Variants in UBALD2 observed in about 807,000 individuals in gnomAD.
UBALD2 encodes the protein UBA-like domain-containing protein 2.
Under a neutral mutation model 15.9 loss-of-function variants are expected in UBALD2, and 8 were observed. The ratio of observed to expected loss-of-function variants is 0.50; its 90% CI spans 0.29 to 0.91. The LOEUF (loss-of-function observed/expected upper bound fraction) is 0.91, where lower values mean the gene tolerates loss of function less well. Among genes scored for constraint, UBALD2 ranks in the 40% least tolerant of loss-of-function variants. The pLI, the probability that UBALD2 is intolerant of heterozygous loss-of-function variation, is 0.07. For synonymous variants in UBALD2, 113 were observed against 97.7 expected (o/e 1.16, Z -0.93); for missense variants, 178 against 234.8 (o/e 0.76, Z 1.58).
rs2070539998 is a variant in UBALD2, at chr17:76,265,755, G to A, written c.120+130G>A. On this transcript the variant is annotated intron_variant, in intron 1 of 2. Transcript: ENST00000327490. ...CCGCGAGCGGGTCTTACGCGGGACC[G>A]GGGCCGGGACCGGCTCCCCTCTGCA... 7 of 1,334,754 alleles carry A rather than the reference G, an allele frequency of 5.2e-6. 1 individual carries two copies. The South Asian group carries it at 8.2e-5, about 16-fold the overall frequency. 82.7% of individuals were successfully genotyped at this position (1,334,754 alleles called of 1,614,324 possible).
Position 76,270,549 on chromosome 17 carries a change from A to C in UBALD2, c.*44A>C. ...GCTGGGCTGGAGCTGGGGGCAGCCC[A>C]GGGTTGTGGGGACACAGGAGGGCCA... On this transcript the variant is annotated 3_prime_UTR_variant, in exon 3 of 3. Transcript: ENST00000327490. 7.1e-7 allele frequency: 1 copy of C among 1,398,736 alleles called. No individual in the cohort carries two copies. Among genetic ancestry groups the C allele is most frequent in the South Asian group, 1.5e-5 (1 of 64,698 alleles). The allele number at this position is 1,398,736 out of a possible 1,614,324, so 86.6% of individuals were successfully genotyped here.
chr17:76,266,764 C>A (rs1197076726), intron 2 of UBALD2, among the ~76,000 whole-genome samples: 1 of 152,106 alleles, frequency 6.6e-6, no homozygotes, highest in Non-Finnish European at 1.5e-5. Flanking sequence ...CTCTCCTGTA[C>A]CCTACCCCCC....
chr17:76,270,652 C>A lies in UBALD2; in HGVS notation c.*147C>A. 3.8e-6 allele frequency: 3 copies of A among 784,428 alleles called. No individual in the cohort carries two copies. Among genetic ancestry groups the A allele is most frequent in the Non-Finnish European group, 5.5e-6 (3 of 540,990 alleles). 48.6% of individuals were successfully genotyped at this position (784,428 alleles called of 1,614,324 possible). A position where few individuals can be genotyped will look rare whatever the true frequency, so the allele number is the denominator to read the frequency against. On this transcript the variant is annotated 3_prime_UTR_variant, in exon 3 of 3. Transcript: ENST00000327490. The stretch of plus-strand genomic sequence containing the variant: ...ATTTTATAAAAGAATTTTTGTGGGT[C>A]GGGGGGACAGTAAACTTCCTGGGCC...
rs1329065925 is a variant in UBALD2, at chr17:76,269,732, A to G, written c.184-462A>G. 6.6e-6 allele frequency among the ~76,000 whole-genome samples: 1 copy of G among 152,172 alleles called. No individual in the cohort carries two copies. The highest frequency in any genetic ancestry group is 2.4e-5 in the African/African-American group (1 of 41,442). Reference sequence around the variant, plus strand: ...TGAACCCATCCACCAAGGTGGCTTAACTTTTCCAGGGTTGGCACAGGAGGG... The same window carrying G: ...TGAACCCATCCACCAAGGTGGCTTAGCTTTTCCAGGGTTGGCACAGGAGGG... On this transcript the variant is annotated intron_variant, in intron 2 of 2. Coordinates refer to ENST00000327490, the MANE Select transcript of UBALD2 (RefSeq NM_182565.4). This position sits in a 1 kb window ranked among gnomAD's most constrained non-coding sequence, Gnocchi z 4.6.
At position 76,265,401 on chromosome 17, in the gene UBALD2, G is replaced by C. The variant is rs913962506; in HGVS notation, c.-105G>C. On this transcript the variant is annotated 5_prime_UTR_variant, in exon 1 of 3. Transcript: ENST00000327490. ...AGCGGGCGGCGGAGCGGCGGCAGCA[G>C]CGGTGAGCGCGAGCCCCGGAGCCCC... 52 of 963,448 alleles carry C rather than the reference G, an allele frequency of 5.4e-5. No individual in the cohort carries two copies. Among genetic ancestry groups the C allele is most frequent in the Non-Finnish European group, 6.4e-5 (52 of 812,114 alleles). The allele number at this position is 963,448 out of a possible 1,614,324, so 59.7% of individuals were successfully genotyped here.
intron 2 of UBALD2, among the ~76,000 whole-genome samples, chr17:76,267,616 A>G (rs1361529589): frequency 2.7e-5 from 4 of 150,502 alleles, no homozygotes; most frequent in Non-Finnish European, 5.9e-5. Flanking sequence ...AGCCTCCCGA[A>G]GTGCTGGGAT....
chr17:76,266,007 T>A, intron 2 of UBALD2, 38 bp downstream of exon 2: 2 of 1,545,564 alleles, frequency 1.3e-6, no homozygotes, highest in South Asian at 1.2e-5. Flanking sequence ...CCGGGGCCGC[T>A]GTCAGCGCGG....
intron 2 of UBALD2, among the ~76,000 whole-genome samples, chr17:76,267,902 G>A (rs1057391503): frequency 1.3e-5 from 2 of 151,294 alleles, no homozygotes; most frequent in East Asian, 2.0e-4. Context: ...CAGGTGGTCC[G>A]CCTGCCTCGG....
chr17:76,270,309 C>A lies in UBALD2; in HGVS notation c.299C>A (p.Ala100Asp). 1 of 1,609,640 alleles carries A rather than the reference C, an allele frequency of 6.2e-7. No individual in the cohort carries two copies. Residue 100 changes from alanine to aspartate, a missense_variant, in exon 3 of 3, where the codon GCC becomes GAC. Physicochemically the swap from Ala to Asp is moderately radical, Grantham distance 126. Coordinates refer to ENST00000327490, the MANE Select transcript of UBALD2 (RefSeq NM_182565.4). ...CAGAGCAGCAACAGCCCCATGACAG[C>A]CGCAGCCTGCTCCCCACCTGCAAAC... ...GLQSSNSPMT[A>D]AACSPPANFS... is the part of the protein sequence containing the mutation.
chr17:76,270,018 T>G (rs1229706017), intron 2 of UBALD2, among the ~76,000 whole-genome samples, 176 bp from the exon 3 acceptor site: 1 of 152,190 alleles, frequency 6.6e-6, no homozygotes, highest in Non-Finnish European at 1.5e-5. Flanking sequence ...GTTTTGTCCT[T>G]GTTTTCTGTT....
In UBALD2 at chr17:76,267,556, G is replaced by A. The variant is rs116434840; in HGVS notation, c.183+1587G>A. Among the ~76,000 whole-genome samples, 1,168 of 139,410 alleles carry A rather than the reference G, an allele frequency of 8.4e-3. 20 individuals carry two copies. The highest frequency in any genetic ancestry group is 0.03 in the African/African-American group (1,114 of 36,678). The allele number at this position is 139,410 out of a possible 152,430, so 91.5% of individuals were successfully genotyped here. A position where few individuals can be genotyped will look rare whatever the true frequency, so the allele number is the denominator to read the frequency against. ...AGGCCAGGGCAGGGGGAGTCTCTAT[G>A]TGGCCCAAGCTGGTCTTGAACTCCT... is the stretch of plus-strand genomic sequence containing the variant. On this transcript the variant is annotated intron_variant, in intron 2 of 2. Coordinates refer to ENST00000327490, the MANE Select transcript of UBALD2 (RefSeq NM_182565.4).
At chr17:76,268,595 G>C (rs970246747) in intron 2 of UBALD2, among the ~76,000 whole-genome samples, 1 of 152,122 alleles carries the variant, frequency 6.6e-6, no homozygotes, top group Non-Finnish European at 1.5e-5. Flanking sequence ...AGAAAGGCAA[G>C]GGTCAGAGCT....
intron 1 of UBALD2, 109 bp from the exon 2 acceptor site, chr17:76,265,798 T>C: frequency 6.9e-7 from 1 of 1,453,320 alleles, no homozygotes; most frequent in Non-Finnish European, 9.3e-7. Flanking sequence ...CAGCCGAGGG[T>C]CGGGGGCCGC....
At position 76,270,377 on chromosome 17, in the gene UBALD2, C is replaced by A; in HGVS notation, c.367C>A (p.Pro123Thr). ...CTCGTCCCCGCCCAGCCACCAGGCG[C>A]CCTGGATCCCGCCCTCCTCCCCCAC... ...WASSPPSHQAPWIPPSSPTTF... is the reference protein window; with the variant it reads ...WASSPPSHQATWIPPSSPTTF... The change falls in exon 3 of 3, where the codon CCC (proline) becomes ACC (threonine). Residue 123 changes from proline (P) to threonine (T), a missense_variant. Physicochemically the swap from Pro to Thr is conservative, Grantham distance 38 (BLOSUM62 -1). Coordinates refer to ENST00000327490, the MANE Select transcript of UBALD2 (RefSeq NM_182565.4). The A allele has an allele frequency of 6.5e-7, 1 of 1,541,944 alleles. No individual in the cohort carries two copies. The highest frequency in any genetic ancestry group is 8.7e-7 in the Non-Finnish European group (1 of 1,147,688).
Position 76,265,981 on chromosome 17 carries a change from C to G in UBALD2, c.183+12C>G. On this transcript the variant is annotated intron_variant, in intron 2 of 2. Coordinates refer to ENST00000327490, the MANE Select transcript of UBALD2 (RefSeq NM_182565.4). Reference sequence around the variant, plus strand: ...ACCACCACCAGATGGTAAGCGGCGGCGGGCAGGGGCGCGGGCCGGGGCCGC... The same window carrying G: ...ACCACCACCAGATGGTAAGCGGCGGGGGGCAGGGGCGCGGGCCGGGGCCGC... 1 of 1,564,364 alleles carries G rather than the reference C, an allele frequency of 6.4e-7. No homozygotes were observed. Among genetic ancestry groups the G allele is most frequent in the Middle Eastern group, 1.7e-4 (1 of 5,978 alleles).
In UBALD2 at chr17:76,265,986, A is replaced by C. The variant is rs774156295; in HGVS notation, c.183+17A>C. The C allele has an allele frequency of 1.3e-5, 20 of 1,560,408 alleles. No homozygotes were observed. In the Middle Eastern group the frequency reaches 5.0e-4, roughly 39 times the overall value. ...CACCAGATGGTAAGCGGCGGCGGGC[A>C]GGGGCGCGGGCCGGGGCCGCTGTCA... On this transcript the variant is annotated intron_variant, in intron 2 of 2. Transcript: ENST00000327490.
At chr17:76,267,667 C>CT (rs771340875) in intron 2 of UBALD2, among the ~76,000 whole-genome samples, 4,596 of 132,520 alleles carry the variant, frequency 0.035, 108 homozygotes, top group Non-Finnish European at 0.041. Context: ...AATTTCTTTT[C>CT]TTTTTTTTTT....
intron 2 of UBALD2, among the ~76,000 whole-genome samples, chr17:76,267,289 G>A (rs2070552147): frequency 1.3e-5 from 2 of 152,170 alleles, no homozygotes; most frequent in South Asian, 4.1e-4. Context: ...CCCAGGAAGA[G>A]CTGGTCTGGC....
rs2070538857 is a variant in UBALD2, at chr17:76,265,638, C to T, written c.120+13C>T. ...CTGGCAGTTCGAGGTGCGAGCCTGG[C>T]CGCCGCGGGGCCGGGCCGCGGGGGT... On this transcript the variant is annotated intron_variant, in intron 1 of 2. Coordinates refer to ENST00000327490, the MANE Select transcript of UBALD2 (RefSeq NM_182565.4). 4 of 1,175,764 alleles carry T rather than the reference C, an allele frequency of 3.4e-6. No individual in the cohort carries two copies. Among genetic ancestry groups the T allele is most frequent in the East Asian group, 4.9e-5 (1 of 20,212 alleles). 72.8% of individuals were successfully genotyped at this position (1,175,764 alleles called of 1,614,324 possible).
Sources: allele counts gnomAD v4.1 joint callset (sites outside exome capture counted in the v4.1 genomes callset), GRCh38; gene constraint gnomAD v4.1.1; non-coding constraint Gnocchi (gnomAD v3.1); transcripts MANE v1.5; gene names NCBI Gene and HGNC (gene_info 2026-07-23, HGNC 2026-07-21).